GNB1L: variants seen among roughly 807,000 people sequenced by gnomAD.
The protein encoded by GNB1L is G protein subunit beta 1 like.
GNB1L carries 20 observed loss-of-function variants against 29.1 expected under a neutral mutation model. The ratio of observed to expected loss-of-function variants is 0.69; its 90% CI spans 0.48 to 1.00. The LOEUF (loss-of-function observed/expected upper bound fraction) is 1.00. Among genes scored for constraint, GNB1L ranks in the 50% least tolerant of loss-of-function variants. The probability of loss-of-function intolerance (pLI) is 0.00; values close to 1 mark genes in which losing one functional copy is unlikely to be tolerated. For missense variants in GNB1L, 421 were observed against 464.9 expected, an observed-to-expected ratio of 0.91 and a Z score of 0.87; for synonymous variants, 193 against 206.5, an observed-to-expected ratio of 0.93 and a Z score of 0.56.
At chr22:19,810,606 G>A (rs1937488475) in intron 5 of GNB1L, among the ~76,000 whole-genome samples, 1 of 152,210 alleles carries the variant, frequency 6.6e-6, no homozygotes, top group Admixed American at 6.5e-5. Flanking sequence ...GCCTCCTACA[G>A]ACACCCATGA....
rs775955958 is a variant in GNB1L, at chr22:19,792,601, G to T, written c.733-3641C>A. Reference sequence around the variant, plus strand: ...CTGCTTAAGCTGGCCCACAAGTACAGACCAGAGACAAAGCAAGAGAAGAAG... The same window carrying T: ...CTGCTTAAGCTGGCCCACAAGTACATACCAGAGACAAAGCAAGAGAAGAAG... On this transcript the variant is annotated intron_variant, in intron 7 of 7. Transcript: ENST00000329517. 3.4e-5 allele frequency: 54 copies of T among 1,598,140 alleles called. No individual in the cohort carries two copies. The African/African-American group carries it at 6.7e-4, about 20-fold the overall frequency.
intron 2 of GNB1L, among the ~76,000 whole-genome samples, chr22:19,830,142 G>A (rs1937659491): frequency 6.6e-6 from 1 of 152,084 alleles, no homozygotes. Context: ...TGAGGCTACA[G>A]TGTACTATGA....
intron 2 of GNB1L, among the ~76,000 whole-genome samples, chr22:19,828,869 T>G (rs1266593318): frequency 6.6e-6 from 1 of 151,540 alleles, no homozygotes; most frequent in Non-Finnish European, 1.5e-5. Flanking sequence ...TCTTGCTCTG[T>G]CACCCAGGCT....
chr22:19,831,800 A>G (rs1219047147), intron 2 of GNB1L, among the ~76,000 whole-genome samples: 1 of 152,088 alleles, frequency 6.6e-6, no homozygotes, highest in African/African-American at 2.4e-5. Flanking sequence ...TTTCAATATT[A>G]AGGAAAGCCT....
At chr22:19,840,195 T>G (rs1418143794) in intron 2 of GNB1L, among the ~76,000 whole-genome samples, 1 of 152,098 alleles carries the variant, frequency 6.6e-6, no homozygotes, top group Non-Finnish European at 1.5e-5. Flanking sequence ...AGCAAAAGTG[T>G]AGATGAGAGG....
intron 2 of GNB1L, chr22:19,851,876 A>C: frequency 5.0e-6 from 8 of 1,614,036 alleles, no homozygotes; most frequent in Non-Finnish European, 6.8e-6. Context: ...ATAGTGCTCA[A>C]AGTGGAAGGA....
chr22:19,802,776 C>T (rs1267489695), intron 6 of GNB1L, among the ~76,000 whole-genome samples: 2 of 152,344 alleles, frequency 1.3e-5, no homozygotes, highest in Non-Finnish European at 2.9e-5. Context: ...AAGTGGCTGC[C>T]GAAGCCCCTG....
intron 7 of GNB1L, among the ~76,000 whole-genome samples, chr22:19,790,609 T>C (rs1937243153): frequency 6.6e-6 from 1 of 152,034 alleles, no homozygotes; most frequent in Non-Finnish European, 1.5e-5. Context: ...GCTGGGAGTT[T>C]GAGGCTGTAG....
Position 19,788,174 on chromosome 22 carries a change from A to C in GNB1L, c.*535T>G. 1 of 211,936 alleles carries C rather than the reference A, an allele frequency of 4.7e-6. No individual in the cohort carries two copies. The allele number at this position is 211,936 out of a possible 1,614,324, so 13.1% of individuals were successfully genotyped here. On this transcript the variant is annotated 3_prime_UTR_variant, in exon 8 of 8. Transcript: ENST00000329517. ...ACTTCCTGATCCTGATCCTGGCCTC[A>C]ACCTGTGTGTTGGGAGCTCCTGGCC...
chr22:19,847,934 C>T (rs1462646944), intron 2 of GNB1L: 1 of 984,970 alleles, frequency 1.0e-6, no homozygotes, highest in Non-Finnish European at 1.2e-6. Context: ...TACTATTTTC[C>T]AGAGGGCCAA....
At chr22:19,801,688 A>C (rs1937374071) in intron 7 of GNB1L, among the ~76,000 whole-genome samples, 1 of 132,960 alleles carries the variant, frequency 7.5e-6, no homozygotes. Context: ...TCAGTTCCTT[A>C]CTGACCAAAT....
rs1290961573 is a variant in GNB1L, at chr22:19,841,463, TACAA to T, written c.-21+12976_-21+12979del. ...GGCAACATAGCAAGACCCCCATCTC[TACAA>T]ACAAATAATTTAAAAAAATCGGCCA... On this transcript the variant is annotated intron_variant, in intron 2 of 7. Coordinates refer to ENST00000329517, the MANE Select transcript of GNB1L (RefSeq NM_053004.3). Among the ~76,000 whole-genome samples, 4 of 152,206 alleles carry T rather than the reference TACAA, an allele frequency of 2.6e-5. No homozygotes were observed. The East Asian group carries it at 5.8e-4, about 22-fold the overall frequency.
rs1368447257 is a variant in GNB1L, at chr22:19,786,163, G to A, written c.*2546C>T. On this transcript the variant is annotated 3_prime_UTR_variant, in exon 8 of 8. Transcript: ENST00000329517. Reference sequence around the variant, plus strand: ...CCTATCTGCCTAGCCACCCAGATGCGGGCACGTGGCCCCGTTGTGCACTGG... The same window carrying A: ...CCTATCTGCCTAGCCACCCAGATGCAGGCACGTGGCCCCGTTGTGCACTGG... The A allele has an allele frequency of 1.3e-5, 2 of 152,446 alleles. No homozygotes were observed. Among genetic ancestry groups the A allele is most frequent in the Non-Finnish European group, 1.5e-5 (1 of 68,132 alleles). The allele number at this position is 152,446 out of a possible 1,614,324, so 9.4% of individuals were successfully genotyped here. A position where few individuals can be genotyped will look rare whatever the true frequency, so the allele number is the denominator to read the frequency against.
intron 7 of GNB1L, among the ~76,000 whole-genome samples, chr22:19,801,619 C>A (rs1301926890): frequency 1.3e-5 from 2 of 151,078 alleles, no homozygotes; most frequent in East Asian, 1.9e-4. Context: ...CAGACCACCA[C>A]GGGGGCTGCA....
chr22:19,844,257 C>G (rs1937915430), intron 2 of GNB1L, among the ~76,000 whole-genome samples: 2 of 152,244 alleles, frequency 1.3e-5, no homozygotes, highest in African/African-American at 2.4e-5. Context: ...CGAGCAGAGA[C>G]AAGCAAGTTC....
intron 2 of GNB1L, among the ~76,000 whole-genome samples, chr22:19,834,824 C>T (rs1421763301): frequency 6.6e-6 from 1 of 151,874 alleles, no homozygotes; most frequent in East Asian, 1.9e-4. Context: ...GAGAAAACAA[C>T]AAAATAGTAG....
chr22:19,846,871 A>C, intron 2 of GNB1L: 6 of 937,852 alleles, frequency 6.4e-6, no homozygotes, highest in Non-Finnish European at 7.6e-6. Flanking sequence ...CTGTTGTTTA[A>C]GTCCCCTAGC....
intron 2 of GNB1L, chr22:19,850,691 G>C (rs1305097198): frequency 8.1e-7 from 1 of 1,231,934 alleles, no homozygotes; most frequent in Non-Finnish European, 1.0e-6. Context: ...AGAAGTCACA[G>C]GGAGCAGAGA....
At chr22:19,807,493 G>A (rs531119696) in intron 5 of GNB1L, among the ~76,000 whole-genome samples, 17 of 152,246 alleles carry the variant, frequency 1.1e-4, no homozygotes, top group Admixed American at 9.8e-4. Flanking sequence ...AGGTACAAGC[G>A]AGAGCAGCTC....
Sources: allele counts gnomAD v4.1 joint callset (sites outside exome capture counted in the v4.1 genomes callset), GRCh38; gene constraint gnomAD v4.1.1; transcripts MANE v1.5; gene names NCBI Gene and HGNC (gene_info 2026-07-23, HGNC 2026-07-21).